Variants in SORCS2 observed in about 807,000 individuals in gnomAD.
SORCS2 encodes the protein VPS10 domain-containing receptor SorCS2.
Under a neutral mutation model 141.6 loss-of-function variants are expected in SORCS2, and 100 were observed. That is an observed-to-expected ratio of 0.71 (90% CI 0.60 to 0.83). SORCS2 has a LOEUF of 0.83. Ranked by LOEUF, SORCS2 falls within the 40% of genes least tolerant of loss-of-function variation. The pLI, the probability that SORCS2 is intolerant of heterozygous loss-of-function variation, is 0.00. For missense variants in SORCS2, 1,646 were observed against 1,560.2 expected (o/e 1.05, Z -0.93); for synonymous variants, 789 against 676.9 (o/e 1.17, Z -2.57).
chr4:7,427,785 C>T (rs1726552626), intron 2 of SORCS2, among the ~76,000 whole-genome samples: 1 of 151,958 alleles, frequency 6.6e-6, no homozygotes, highest in Non-Finnish European at 1.5e-5. Context: ...CATTCATCAG[C>T]AGGGGATGGC....
intron 1 of SORCS2, among the ~76,000 whole-genome samples, chr4:7,295,220 C>G (rs912615255): frequency 2.6e-5 from 3 of 114,546 alleles, no homozygotes; most frequent in African/African-American, 1.1e-4. Context: ...TCCTCTCTCT[C>G]TCTCCTCCTT....
intron 3 of SORCS2, among the ~76,000 whole-genome samples, chr4:7,556,816 C>T (rs1714152836): frequency 6.7e-6 from 1 of 150,222 alleles, no homozygotes; most frequent in Non-Finnish European, 1.5e-5. Flanking sequence ...GCCCATCATC[C>T]ATCCATCTAC....
intron 1 of SORCS2, among the ~76,000 whole-genome samples, chr4:7,365,612 T>G (rs1651135416): frequency 6.6e-6 from 1 of 152,058 alleles, no homozygotes; most frequent in African/African-American, 2.4e-5. Context: ...CTGCCATCAG[T>G]GTGGAATAAG....
rs578218593 is a variant in SORCS2 at position 7,705,370 on chromosome 4, G to T, written c.1868+1086G>T. ...GAGCATGTGAGCAATGCTTCAGGGT[G>T]GGAGAGCATGTGTGTGATGACTGAA... On this transcript the variant is annotated intron_variant, in intron 14 of 26. Transcript: ENST00000507866. Among the ~76,000 whole-genome samples, 3 of 152,360 alleles carry T rather than the reference G, an allele frequency of 2.0e-5. No individual in the cohort carries two copies. In the East Asian group the frequency reaches 5.8e-4, roughly 29 times the overall value.
intron 1 of SORCS2, among the ~76,000 whole-genome samples, chr4:7,353,921 A>G (rs1326388919): frequency 6.6e-6 from 1 of 152,152 alleles, no homozygotes; most frequent in East Asian, 1.9e-4. Context: ...TTTAAAACTC[A>G]AGGATGCCAA....
intron 1 of SORCS2, among the ~76,000 whole-genome samples, chr4:7,380,942 T>C (rs539566564): frequency 3.1e-4 from 47 of 151,978 alleles, no homozygotes; most frequent in South Asian, 1.7e-3. Flanking sequence ...ATTAGCTGGG[T>C]GTGGTGGCAG....
chr4:7,716,899 G>C (rs1412582441), intron 17 of SORCS2, among the ~76,000 whole-genome samples: 1 of 152,224 alleles, frequency 6.6e-6, no homozygotes, highest in Non-Finnish European at 1.5e-5. Context: ...TTAGAGAAGG[G>C]TATTTTCTTT....
intron 2 of SORCS2, among the ~76,000 whole-genome samples, chr4:7,455,021 G>C (rs1259759445): frequency 8.9e-4 from 33 of 36,882 alleles, no homozygotes; most frequent in East Asian, 5.4e-3. Context: ...GGGTCAGGCA[G>C]TGTGTTGGGG....
intron 3 of SORCS2, among the ~76,000 whole-genome samples, chr4:7,611,598 A>C (rs990860114): frequency 1.6e-4 from 24 of 152,164 alleles, no homozygotes; most frequent in Admixed American, 5.2e-4. Context: ...GGGGACCCTC[A>C]TGGCTTTGTC....
At chr4:7,239,432 G>A (rs775370140) in intron 1 of SORCS2, among the ~76,000 whole-genome samples, 5 of 152,226 alleles carry the variant, frequency 3.3e-5, no homozygotes, top group East Asian at 1.9e-4. Context: ...CACGCTCAGC[G>A]GCCCTCCTCT....
At chr4:7,649,823 G>A (rs1721317899) in intron 4 of SORCS2, among the ~76,000 whole-genome samples, 1 of 152,122 alleles carries the variant, frequency 6.6e-6, no homozygotes, top group Admixed American at 6.5e-5. Flanking sequence ...TGGTGGCAGC[G>A]GTGTCTGCAA....
chr4:7,313,450 A>C (rs1485485468), intron 1 of SORCS2, among the ~76,000 whole-genome samples: 1 of 152,172 alleles, frequency 6.6e-6, no homozygotes, highest in African/African-American at 2.4e-5. Context: ...CAAGAGAAGA[A>C]CGAGAGGGTA....
Position 7,386,299 on chromosome 4 carries a change from CACAT to C in SORCS2, c.481-9985_481-9982del, listed in dbSNP as rs1465193244. 1.3e-4 allele frequency among the ~76,000 whole-genome samples: 11 copies of C among 86,066 alleles called. 1 individual carries two copies. The highest frequency in any genetic ancestry group is 5.4e-4 in the African/African-American group (11 of 20,336). The allele number at this position is 86,066 out of a possible 152,430, so 56.5% of individuals were successfully genotyped here. On this transcript the variant is annotated intron_variant, in intron 1 of 26. Coordinates refer to ENST00000507866, the MANE Select transcript of SORCS2 (RefSeq NM_020777.3). ...ACACGCACATGCACACACATGCACA[CACAT>C]ACACATTTGCACACACGCACACATA...
chr4:7,379,762 A>G (rs1267920504), intron 1 of SORCS2, among the ~76,000 whole-genome samples: 1 of 152,222 alleles, frequency 6.6e-6, no homozygotes, highest in Non-Finnish European at 1.5e-5. Flanking sequence ...TTTGTTTGTC[A>G]GATTTATTCC....
chr4:7,409,745 C>G (rs566707500), intron 2 of SORCS2, among the ~76,000 whole-genome samples: 83 of 152,314 alleles, frequency 5.4e-4, no homozygotes, highest in Non-Finnish European at 9.3e-4. Flanking sequence ...ACCATCTGCT[C>G]TGAGTCTTTT....
At chr4:7,242,842 C>A (rs1012763233) in intron 1 of SORCS2, among the ~76,000 whole-genome samples, 3 of 152,246 alleles carry the variant, frequency 2.0e-5, no homozygotes, top group African/African-American at 7.2e-5. Context: ...CAGCTTGTCG[C>A]CTGCAGTGGG....
At chr4:7,620,897 A>C (rs1429962169) in intron 3 of SORCS2, among the ~76,000 whole-genome samples, 1 of 152,140 alleles carries the variant, frequency 6.6e-6, no homozygotes, top group African/African-American at 2.4e-5. Flanking sequence ...CTCCTCGGCC[A>C]CGAGGTCAGC....
Position 7,695,585 on chromosome 4 carries a change from T to TGGA in SORCS2, c.1592-1613_1592-1612insGGA, listed in dbSNP as rs1213198330. ...ATGCATGGATGGATGGATGGATGGA[T>TGGA]TGGTGGGTGGGTGGGTGGATGGATG... On this transcript the variant is annotated intron_variant, in intron 11 of 26. Coordinates refer to ENST00000507866, the MANE Select transcript of SORCS2 (RefSeq NM_020777.3). Among the ~76,000 whole-genome samples, 8 of 19,334 alleles carry TGGA rather than the reference T, an allele frequency of 4.1e-4. 1 individual carries two copies. Among genetic ancestry groups the TGGA allele is most frequent in the Non-Finnish European group, 5.7e-4 (6 of 10,454 alleles). The allele number at this position is 19,334 out of a possible 152,430, so 12.7% of individuals were successfully genotyped here. A position where few individuals can be genotyped will look rare whatever the true frequency, so the allele number is the denominator to read the frequency against.
intron 20 of SORCS2, among the ~76,000 whole-genome samples, chr4:7,725,633 A>C (rs75294580): frequency 0.011 from 1,729 of 152,322 alleles, 17 homozygotes; most frequent in Non-Finnish European, 0.018. Flanking sequence ...TTGCAGTGAG[A>C]GGCTCAGGGA....
Sources: allele counts gnomAD v4.1 joint callset (sites outside exome capture counted in the v4.1 genomes callset), GRCh38; gene constraint gnomAD v4.1.1; transcripts MANE v1.5; gene names NCBI Gene and HGNC (gene_info 2026-07-23, HGNC 2026-07-21).